FAM174A: variants seen among roughly 807,000 people sequenced by gnomAD.
FAM174A encodes membrane protein FAM174A.
Under a neutral mutation model 14.3 loss-of-function variants are expected in FAM174A, and 14 were observed. The observed-to-expected ratio is 0.98, with a 90% confidence interval of 0.65 to 1.53. The LOEUF (loss-of-function observed/expected upper bound fraction) is 1.53. Ranked by LOEUF, FAM174A falls within the 40% of genes most tolerant of loss-of-function variation. The pLI is 0.00. For missense variants in FAM174A, 241 were observed against 249.6 expected, an observed-to-expected ratio of 0.97 and a Z score of 0.23; for synonymous variants, 108 against 111.4, an observed-to-expected ratio of 0.97 and a Z score of 0.19.
chr5:100,577,298 A>G (rs1427910067), intron 2 of FAM174A, among the ~76,000 whole-genome samples: 1 of 152,106 alleles, frequency 6.6e-6, no homozygotes, highest in East Asian at 1.9e-4. Flanking sequence ...AATCTTGGTA[A>G]CAGATTCTAA....
At chr5:100,547,253 T>G (rs1746181702) in intron 1 of FAM174A, among the ~76,000 whole-genome samples, 1 of 152,098 alleles carries the variant, frequency 6.6e-6, no homozygotes, top group Non-Finnish European at 1.5e-5. Context: ...AGTGGAGTAG[T>G]TTTTCTGAGG....
intron 1 of FAM174A, among the ~76,000 whole-genome samples, chr5:100,561,729 G>A (rs186065692): frequency 1.3e-5 from 2 of 151,946 alleles, no homozygotes; most frequent in East Asian, 3.9e-4. Flanking sequence ...CAGTAAAGAA[G>A]TACCTGACCT....
intron 2 of FAM174A, among the ~76,000 whole-genome samples, chr5:100,566,143 T>TAGATAG (rs1554047545): frequency 1.0e-5 from 1 of 98,512 alleles, no homozygotes; most frequent in African/African-American, 4.6e-5. Flanking sequence ...AAAAGTATGA[T>TAGATAG]ATATATATAT....
At chr5:100,554,978 G>A (rs1026160401) in intron 1 of FAM174A, among the ~76,000 whole-genome samples, 7 of 151,822 alleles carry the variant, frequency 4.6e-5, no homozygotes, top group Admixed American at 2.6e-4. Flanking sequence ...TGCACAACAT[G>A]CAGGTTTGTT....
intron 2 of FAM174A, chr5:100,581,280 AC>A (rs900138501): frequency 1.2e-5 from 8 of 675,556 alleles, no homozygotes; most frequent in Admixed American, 1.3e-4. Context: ...CTTCTATATC[AC>A]CTCTCCAGAG....
chr5:100,559,865 G>C (rs1318852613), intron 1 of FAM174A, among the ~76,000 whole-genome samples: 1 of 151,734 alleles, frequency 6.6e-6, no homozygotes, highest in African/African-American at 2.4e-5. Flanking sequence ...TTTTTTCAAG[G>C]TTTTTAACTT....
intron 2 of FAM174A, among the ~76,000 whole-genome samples, chr5:100,577,042 C>T (rs1746919106): frequency 6.6e-6 from 1 of 152,070 alleles, no homozygotes; most frequent in South Asian, 2.1e-4. Flanking sequence ...TAAAAGAATG[C>T]TTTACAGCAT....
chr5:100,574,591 C>T (rs575847705), intron 2 of FAM174A, among the ~76,000 whole-genome samples: 1 of 152,236 alleles, frequency 6.6e-6, no homozygotes, highest in South Asian at 2.1e-4. Flanking sequence ...GCTATCTTAA[C>T]TTGTTTAGCA....
intron 1 of FAM174A, among the ~76,000 whole-genome samples, chr5:100,550,075 CTG>C (rs1367829703): frequency 6.6e-6 from 1 of 152,026 alleles, no homozygotes; most frequent in Non-Finnish European, 1.5e-5. Context: ...ATGAGGAAAA[CTG>C]TGTTTTTAGA....
rs756741908 is a variant in FAM174A, at chr5:100,535,964, G to C, written c.434G>C (p.Arg145Thr). 1.3e-6 allele frequency: 2 copies of C among 1,570,118 alleles called. No homozygotes were observed. Among genetic ancestry groups the C allele is most frequent in the Admixed American group, 1.8e-5 (1 of 56,706 alleles). The part of the protein sequence containing the change: ...VLVYFVVRTV[R>T]MRRRNRKTRR... ...GTGTACTTCGTGGTCAGGACGGTCA[G>C]GTGAGGCAAAGCCTCGGTGGGGCAC... Residue 145 changes from arginine to threonine, a missense_variant and splice_region_variant, in exon 1 of 3, where the codon AGG becomes ACG. Physicochemically the swap from Arg to Thr is moderately conservative, Grantham distance 71. Coordinates refer to ENST00000312637, the MANE Select transcript of FAM174A (RefSeq NM_198507.3).
intron 1 of FAM174A, among the ~76,000 whole-genome samples, chr5:100,555,244 C>G (rs569292207): frequency 6.6e-6 from 1 of 152,082 alleles, no homozygotes; most frequent in East Asian, 1.9e-4. Context: ...CATGTCCCTA[C>G]AAAGGACATG....
Position 100,573,864 on chromosome 5 carries a change from G to T in FAM174A, c.569+11676G>T, listed in dbSNP as rs549828591. ...CAGTAACCAAAACAGCATGGTACTG[G>T]TACCAAAACAGAGATATAGATCAAT... On this transcript the variant is annotated intron_variant, in intron 2 of 2. Coordinates refer to ENST00000312637, the MANE Select transcript of FAM174A (RefSeq NM_198507.3). Among the ~76,000 whole-genome samples the T allele has an allele frequency of 8.3e-3, 1,252 of 151,756 alleles. 25 individuals are homozygous for T. Among genetic ancestry groups the T allele is most frequent in the African/African-American group, 0.029 (1,204 of 41,276 alleles).
At chr5:100,574,281 C>G (rs1746856367) in intron 2 of FAM174A, among the ~76,000 whole-genome samples, 1 of 152,024 alleles carries the variant, frequency 6.6e-6, no homozygotes, top group Non-Finnish European at 1.5e-5. Context: ...CTCTTTCTCC[C>G]AGGTTCAAGT....
intron 2 of FAM174A, chr5:100,581,414 A>T (rs1300638722): frequency 1.0e-6 from 1 of 982,136 alleles, no homozygotes; most frequent in African/African-American, 1.7e-5. Flanking sequence ...AGTAGGTGGC[A>T]ATTGAGTTAA....
chr5:100,555,893 G>A (rs1746367711), intron 1 of FAM174A, among the ~76,000 whole-genome samples: 1 of 152,036 alleles, frequency 6.6e-6, no homozygotes, highest in Non-Finnish European at 1.5e-5. Flanking sequence ...TCTATAGGTT[G>A]CCTGTTCACT....
intron 2 of FAM174A, among the ~76,000 whole-genome samples, chr5:100,580,397 C>G (rs929297774): frequency 6.6e-6 from 1 of 152,150 alleles, no homozygotes; most frequent in Non-Finnish European, 1.5e-5. Flanking sequence ...TTAACTCACA[C>G]GATCACAAGG....
At chr5:100,543,104 A>G (rs1328426047) in intron 1 of FAM174A, among the ~76,000 whole-genome samples, 2 of 152,110 alleles carry the variant, frequency 1.3e-5, no homozygotes, top group Non-Finnish European at 2.9e-5. Flanking sequence ...AAACAAAGTT[A>G]ATGAAAAATA....
intron 1 of FAM174A, among the ~76,000 whole-genome samples, chr5:100,549,280 G>A (rs1353957832): frequency 6.6e-6 from 1 of 152,102 alleles, no homozygotes; most frequent in Admixed American, 6.6e-5. Flanking sequence ...TTTTAGAAAT[G>A]GAGGTCAGAA....
At chr5:100,556,151 C>T (rs993531120) in intron 1 of FAM174A, among the ~76,000 whole-genome samples, 204 of 152,120 alleles carry the variant, frequency 1.3e-3, no homozygotes, top group African/African-American at 4.6e-3. Flanking sequence ...AGTTTCAGCT[C>T]TCTACATATG....
Sources: allele counts gnomAD v4.1 joint callset (sites outside exome capture counted in the v4.1 genomes callset), GRCh38; gene constraint gnomAD v4.1.1; transcripts MANE v1.5; gene names NCBI Gene and HGNC (gene_info 2026-07-23, HGNC 2026-07-21).